DNAJB4: variants seen among roughly 807,000 people sequenced by gnomAD.
DNAJB4 encodes dnaJ homolog subfamily B member 4.
Under a neutral mutation model 26.6 loss-of-function variants are expected in DNAJB4, and 10 were observed. The ratio of observed to expected loss-of-function variants is 0.38; its 90% CI spans 0.23 to 0.64. DNAJB4 has a LOEUF of 0.64. DNAJB4 is among the 30% of genes least tolerant of loss of function. DNAJB4 has a pLI of 0.58. For synonymous variants in DNAJB4, 136 were observed against 134.8 expected, an observed-to-expected ratio of 1.01 and a Z score of -0.06; for missense variants, 328 against 408.2, an observed-to-expected ratio of 0.80 and a Z score of 1.69.
intron 1 of DNAJB4, among the ~76,000 whole-genome samples, chr1:77,982,225 A>G (rs1040049094): frequency 1.3e-5 from 2 of 152,240 alleles, no homozygotes; most frequent in Non-Finnish European, 2.9e-5. Context: ...ATGTTTCCAA[A>G]CAGCTACCTA....
chr1:77,980,281 T>G (rs1176191551), exon 1 of DNAJB4: 1 of 151,812 alleles, frequency 6.6e-6, no homozygotes, highest in African/African-American at 2.4e-5. Context: ...CTGTGGGTAC[T>G]CAAATGTAAG....
intron 1 of DNAJB4, among the ~76,000 whole-genome samples, chr1:78,010,293 C>T (rs780981637): frequency 3.3e-5 from 5 of 151,814 alleles, no homozygotes; most frequent in Non-Finnish European, 7.4e-5. Context: ...TCCCTTAAGT[C>T]TATGGGATGA....
At chr1:78,002,354 A>G (rs1389776281), upstream of DNAJB4, among the ~76,000 whole-genome samples, 1 of 152,120 alleles carries the variant, frequency 6.6e-6, no homozygotes, top group Non-Finnish European at 1.5e-5. Context: ...AAGTGATCGT[A>G]TTGTATAATG....
upstream of DNAJB4, among the ~76,000 whole-genome samples, chr1:78,003,029 A>ATT (rs139904898): frequency 4.0e-5 from 6 of 149,038 alleles, no homozygotes; most frequent in East Asian, 2.0e-4. Context: ...ATAAGTGTCT[A>ATT]TTTTTTTTTT....
At position 78,013,070 on chromosome 1, in the gene DNAJB4, A is replaced by G; in HGVS notation, c.231A>G (p.Gly77=). 2.5e-6 allele frequency: 4 copies of G among 1,609,912 alleles called. No homozygotes were observed. The highest frequency in any genetic ancestry group is 1.7e-4 in the Middle Eastern group (1 of 6,028). The change falls in exon 2 of 3, where the codon GGA becomes GGG. Residue 77 remains glycine (G), a synonymous_variant. Coordinates refer to ENST00000370763, the MANE Select transcript of DNAJB4 (RefSeq NM_007034.5). ...FGEEGLKGGA[G]GTDGQGGTFR... ...AATTAGGGTTGAAAGGAGGAGCAGGAGGTACTGATGGACAAGGAGGTACCT... is the reference window on the plus strand; with the variant it reads ...AATTAGGGTTGAAAGGAGGAGCAGGGGGTACTGATGGACAAGGAGGTACCT...
In DNAJB4 at chr1:77,983,467, C is replaced by G. The variant is rs1455684261; in HGVS notation, c.-32+3145C>G. ...TCAGGTCTTTCCCTTCCCACGAGGC[C>G]ATATTTCAGACTATCACATGGGGAG... On this transcript the variant is annotated intron_variant, in intron 1 of 2. Transcript: ENST00000426517. Among the ~76,000 whole-genome samples, 12 of 152,276 alleles carry G rather than the reference C, an allele frequency of 7.9e-5. No homozygotes were observed. The East Asian group carries it at 2.3e-3, about 29-fold the overall frequency.
intron 1 of DNAJB4, 72 bp from the exon 2 acceptor site, chr1:78,012,979 A>G: frequency 7.4e-7 from 1 of 1,354,558 alleles, no homozygotes; most frequent in Non-Finnish European, 9.9e-7. Context: ...ATTTATTAGC[A>G]ATACAGTTTT....
chr1:77,979,291 G>C, upstream of DNAJB4: 1 of 405,664 alleles, frequency 2.5e-6, no homozygotes, highest in South Asian at 3.9e-5. Context: ...GCGCGTTCTT[G>C]GGGTGAGGCT....
At chr1:77,996,181 C>CT (rs1660056961) in intron 1 of DNAJB4, among the ~76,000 whole-genome samples, 1 of 152,128 alleles carries the variant, frequency 6.6e-6, no homozygotes, top group African/African-American at 2.4e-5. Flanking sequence ...GATACAGGGT[C>CT]TTATTGTGTC....
At chr1:77,996,242 C>T (rs970797016) in intron 1 of DNAJB4, among the ~76,000 whole-genome samples, 3 of 143,560 alleles carry the variant, frequency 2.1e-5, no homozygotes, top group Middle Eastern at 8.0e-3. Context: ...CAGCCTTGAC[C>T]TCCTGGACCC....
intron 1 of DNAJB4, among the ~76,000 whole-genome samples, chr1:77,995,559 C>G (rs960686849): frequency 6.6e-6 from 1 of 152,120 alleles, no homozygotes; most frequent in Non-Finnish European, 1.5e-5. Context: ...CTCAAGTGAT[C>G]CTCCTGCCTC....
chr1:78,005,353 TC>T, intron 1 of DNAJB4, 32 bp downstream of exon 1: 1 of 1,482,148 alleles, frequency 6.7e-7, no homozygotes, highest in South Asian at 1.3e-5. Flanking sequence ...TTCTGTCTCT[TC>T]AGCTCTGTCT....
chr1:78,004,400 A>G (rs943402920), upstream of DNAJB4: 2 of 152,244 alleles, frequency 1.3e-5, no homozygotes, highest in Admixed American at 6.5e-5. Context: ...TCCCTTAACA[A>G]TGTGAAACTA....
intron 1 of DNAJB4, among the ~76,000 whole-genome samples, chr1:77,982,138 T>C (rs7520255): frequency 0.81 from 123,420 of 152,160 alleles, 50,278 homozygotes; most frequent in Middle Eastern, 0.87. Flanking sequence ...CAATAATTTA[T>C]AATAAAGCTG....
chr1:77,999,017 G>A (rs1186355406), intron 1 of DNAJB4, among the ~76,000 whole-genome samples: 1 of 152,206 alleles, frequency 6.6e-6, no homozygotes, highest in Non-Finnish European at 1.5e-5. Context: ...AATGAGAATT[G>A]AGGGTCTGAG....
At chr1:77,997,260 T>C (rs996167668) in intron 1 of DNAJB4, among the ~76,000 whole-genome samples, 2 of 150,510 alleles carry the variant, frequency 1.3e-5, no homozygotes, top group African/African-American at 4.9e-5. Flanking sequence ...GGAGGATTGC[T>C]TGAGCCCAGG....
chr1:77,999,341 G>A (rs971413640), intron 1 of DNAJB4, among the ~76,000 whole-genome samples: 3 of 151,934 alleles, frequency 2.0e-5, no homozygotes, highest in Non-Finnish European at 4.4e-5. Flanking sequence ...TATCACTTGA[G>A]TATCAGATGT....
upstream of DNAJB4, among the ~76,000 whole-genome samples, chr1:78,003,064 A>G (rs77469486): frequency 3.0e-4 from 45 of 152,222 alleles, no homozygotes; most frequent in East Asian, 8.5e-3. Context: ...CGCCAGAACA[A>G]TTTCCGGTTG....
Position 78,017,297 on chromosome 1 carries a change from A to G in DNAJB4, c.*1050A>G, listed in dbSNP as rs1660665350. 1.3e-5 allele frequency: 2 copies of G among 151,902 alleles called. No individual in the cohort carries two copies. The highest frequency in any genetic ancestry group is 6.6e-5 in the Admixed American group (1 of 15,246). The allele number at this position is 151,902 out of a possible 1,614,324, so 9.4% of individuals were successfully genotyped here. ...TCTTAGGTGTTTTAATTTTTTAAATATATTTATGTTTTAAAAATTTAGTTT... is the reference window on the plus strand; with the variant it reads ...TCTTAGGTGTTTTAATTTTTTAAATGTATTTATGTTTTAAAAATTTAGTTT... On this transcript the variant is annotated 3_prime_UTR_variant, in exon 3 of 3. Coordinates refer to ENST00000370763, the MANE Select transcript of DNAJB4 (RefSeq NM_007034.5).
Sources: allele counts gnomAD v4.1 joint callset (sites outside exome capture counted in the v4.1 genomes callset), GRCh38; gene constraint gnomAD v4.1.1; transcripts MANE v1.5; gene names NCBI Gene and HGNC (gene_info 2026-07-23, HGNC 2026-07-21).